Variants in ZNF704 observed in about 807,000 individuals in gnomAD.
ZNF704 encodes the protein zinc finger protein 704, also known as glucocorticoid induced gene 1.
Under a neutral mutation model 44.7 loss-of-function variants are expected in ZNF704, and 10 were observed. The ratio of observed to expected loss-of-function variants is 0.22; its 90% CI spans 0.14 to 0.38. ZNF704 has a LOEUF of 0.38. Ranked by LOEUF, ZNF704 falls within the 10% of genes least tolerant of loss-of-function variation. The probability of loss-of-function intolerance (pLI) is 1.00; values close to 1 mark genes in which losing one functional copy is unlikely to be tolerated. For missense variants in ZNF704, 390 were observed against 545.5 expected (o/e 0.71, Z 2.84); for synonymous variants, 211 against 207.6 (o/e 1.02, Z -0.14).
the ZNF704 span, among the ~76,000 whole-genome samples, chr8:80,881,717 C>T: frequency 0.82 from 125,391 of 152,024 alleles, 52,353 homozygotes; most frequent in African/African-American, 0.96. Context: ...CACCTGAGGT[C>T]AGGAGTTCAA....
rs1453914890 is a variant in ZNF704 at position 80,874,062 on chromosome 8, C to T, written c.-22+509G>A. 6.8e-6 allele frequency among the ~76,000 whole-genome samples: 1 copy of T among 146,938 alleles called. No homozygotes were observed. The highest frequency in any genetic ancestry group is 2.0e-4 in the East Asian group (1 of 5,068). On this transcript the variant is annotated intron_variant, in intron 1 of 8. Transcript: ENST00000327835. This position sits in a 1 kb window ranked among gnomAD's most constrained non-coding sequence, Gnocchi z 4.4. ...GCCTGCATGCCTGAGCGCGGGGTTG[C>T]GGGCCGCGGCGCGGGGCCGGAGAGT... is the stretch of plus-strand genomic sequence containing the variant.
At chr8:80,747,879 G>A (rs1806873164) in intron 2 of ZNF704, among the ~76,000 whole-genome samples, 1 of 152,128 alleles carries the variant, frequency 6.6e-6, no homozygotes, top group Non-Finnish European at 1.5e-5. Flanking sequence ...ACCACACCTG[G>A]CTAATTTTTT....
At chr8:80,811,673 T>A (rs1391478377) in intron 2 of ZNF704, among the ~76,000 whole-genome samples, 1 of 152,244 alleles carries the variant, frequency 6.6e-6, no homozygotes, top group Non-Finnish European at 1.5e-5. Flanking sequence ...AAAAAGGCAC[T>A]GTACAGTTTA....
At chr8:80,846,265 GTGGT>G (rs1214400283) in intron 1 of ZNF704, among the ~76,000 whole-genome samples, 1 of 152,108 alleles carries the variant, frequency 6.6e-6, no homozygotes, top group Non-Finnish European at 1.5e-5. Context: ...AATCTTACAT[GTGGT>G]TTCCAGCAGC....
At chr8:80,662,928 GT>G (rs1374480627) in intron 6 of ZNF704, among the ~76,000 whole-genome samples, 1 of 152,140 alleles carries the variant, frequency 6.6e-6, no homozygotes, top group African/African-American at 2.4e-5. Context: ...ATATTATTTA[GT>G]TACATGAAAA....
At chr8:80,648,098 T>C (rs1817861097) in intron 7 of ZNF704, among the ~76,000 whole-genome samples, 1 of 152,082 alleles carries the variant, frequency 6.6e-6, no homozygotes, top group Non-Finnish European at 1.5e-5. Flanking sequence ...ACAAACCCAC[T>C]CTCCTGATAA....
chr8:80,642,675 G>C (rs1286450052), intron 8 of ZNF704, among the ~76,000 whole-genome samples: 2 of 152,132 alleles, frequency 1.3e-5, no homozygotes, highest in Non-Finnish European at 2.9e-5. Flanking sequence ...TTGTATTTTG[G>C]TTAAGGAACT....
chr8:80,725,957 AAC>A (rs1292046691), intron 2 of ZNF704, among the ~76,000 whole-genome samples: 2 of 152,228 alleles, frequency 1.3e-5, no homozygotes, highest in East Asian at 1.9e-4. Context: ...GGTAGTGAGT[AAC>A]ACACATTAAA....
At chr8:80,730,036 A>C (rs1461907038) in intron 2 of ZNF704, among the ~76,000 whole-genome samples, 4 of 152,136 alleles carry the variant, frequency 2.6e-5, no homozygotes, top group Non-Finnish European at 5.9e-5. Flanking sequence ...GACATGAACA[A>C]CACCAACACC....
At chr8:80,873,849 C>A (rs1056347514) in intron 1 of ZNF704, among the ~76,000 whole-genome samples, 1 of 146,454 alleles carries the variant, frequency 6.8e-6, no homozygotes, top group African/African-American at 2.4e-5. Flanking sequence ...CCGGTCCCGG[C>A]GCTGCGCGGC....
intron 1 of ZNF704, among the ~76,000 whole-genome samples, chr8:80,844,393 C>T (rs1808733079): frequency 6.6e-6 from 1 of 152,120 alleles, no homozygotes; most frequent in African/African-American, 2.4e-5. Context: ...AAGAGGGCTA[C>T]CTAGCTCTCT....
chr8:80,714,660 C>T (rs973781753), intron 2 of ZNF704, among the ~76,000 whole-genome samples: 1 of 152,116 alleles, frequency 6.6e-6, no homozygotes, highest in East Asian at 1.9e-4. Flanking sequence ...CAGTTTTCCT[C>T]AAGAAAAGAT....
At chr8:80,674,213 T>C (rs150442366) in intron 4 of ZNF704, among the ~76,000 whole-genome samples, 1 of 152,316 alleles carries the variant, frequency 6.6e-6, no homozygotes, top group African/African-American at 2.4e-5. Context: ...AAATGTAAGA[T>C]GCGCCAGATG....
rs577925746 is a variant in ZNF704, at chr8:80,791,081, G to C, written c.221+30293C>G. On this transcript the variant is annotated intron_variant, in intron 2 of 8. Coordinates refer to ENST00000327835, the MANE Select transcript of ZNF704 (RefSeq NM_001033723.3). ...AATCCTGCTGAATTGATGTGGAGCTGGTTCAGTAAATGCATGAAATCCTTA... is the reference window on the plus strand; with the variant it reads ...AATCCTGCTGAATTGATGTGGAGCTCGTTCAGTAAATGCATGAAATCCTTA... Among the ~76,000 whole-genome samples the C allele has an allele frequency of 2.0e-5, 3 of 152,146 alleles. No individual in the cohort carries two copies. The East Asian group carries it at 5.8e-4, about 29-fold the overall frequency.
At chr8:80,759,882 A>C (rs1807099173) in intron 2 of ZNF704, among the ~76,000 whole-genome samples, 1 of 152,126 alleles carries the variant, frequency 6.6e-6, no homozygotes, top group South Asian at 2.1e-4. Flanking sequence ...TAGCCTCCCA[A>C]GTAGCTGACC....
chr8:80,858,644 C>T (rs1809004412), intron 1 of ZNF704, among the ~76,000 whole-genome samples: 1 of 151,462 alleles, frequency 6.6e-6, no homozygotes, highest in Non-Finnish European at 1.5e-5. Context: ...GAGGCCGTGC[C>T]ACTGCACTCT....
chr8:80,741,193 CTAAT>C (rs1439538445), intron 2 of ZNF704, among the ~76,000 whole-genome samples: 2 of 152,186 alleles, frequency 1.3e-5, no homozygotes, highest in Non-Finnish European at 2.9e-5. Context: ...ATTAAATACA[CTAAT>C]TAAGGAAACT....
chr8:80,805,970 G>C (rs1259367411), intron 2 of ZNF704, among the ~76,000 whole-genome samples: 1 of 152,152 alleles, frequency 6.6e-6, no homozygotes, highest in Admixed American at 6.5e-5. Flanking sequence ...CAGCACTGCT[G>C]TGTTCTGCCT....
intron 1 of ZNF704, among the ~76,000 whole-genome samples, chr8:80,829,022 T>C (rs550848383): frequency 5.3e-5 from 8 of 152,326 alleles, no homozygotes; most frequent in Non-Finnish European, 1.0e-4. Flanking sequence ...CACAGGAAGA[T>C]TGTCACCCAC....
Sources: allele counts gnomAD v4.1 joint callset (sites outside exome capture counted in the v4.1 genomes callset), GRCh38; gene constraint gnomAD v4.1.1; non-coding constraint Gnocchi (gnomAD v3.1); transcripts MANE v1.5; gene names NCBI Gene and HGNC (gene_info 2026-07-23, HGNC 2026-07-21).